Variants in ATP10A observed in about 807,000 individuals in gnomAD.
ATP10A encodes the protein ATPase phospholipid transporting 10A (putative).
A neutral mutation model predicts 147.8 loss-of-function variants in ATP10A; 111 were observed. That is an observed-to-expected ratio of 0.75 (90% confidence interval 0.64 to 0.88). The LOEUF (loss-of-function observed/expected upper bound fraction) is 0.88, where lower values mean the gene tolerates loss of function less well. Among genes scored for constraint, ATP10A ranks in the 40% least tolerant of loss-of-function variants. ATP10A has a pLI of 0.00. For synonymous variants in ATP10A, 875 were observed against 841.6 expected (o/e 1.04, Z -0.69); for missense variants, 1,927 against 1,959.0 (o/e 0.98, Z 0.31).
chr15:25,705,270 CA>C (rs1261235190), intron 12 of ATP10A, among the ~76,000 whole-genome samples: 1 of 150,532 alleles, frequency 6.6e-6, no homozygotes, highest in East Asian at 1.9e-4. Context: ...CTGTCTCTAC[CA>C]AAAAAAAGTA....
chr15:25,735,707 C>G (rs1222430233), intron 3 of ATP10A, among the ~76,000 whole-genome samples: 1 of 152,176 alleles, frequency 6.6e-6, no homozygotes, highest in African/African-American at 2.4e-5. Context: ...TGAAACTCCA[C>G]CCGGCCTACT....
At chr15:25,736,178 G>T in intron 2 of ATP10A, 37 bp from the exon 3 acceptor site, 1 of 1,574,096 alleles carries the variant, frequency 6.4e-7, no homozygotes, top group Non-Finnish European at 8.7e-7. Context: ...AGAAATCCGG[G>T]CTCAGGCTGC....
chr15:25,681,284 A>G (rs1223653047), intron 17 of ATP10A, among the ~76,000 whole-genome samples: 2 of 152,182 alleles, frequency 1.3e-5, no homozygotes, highest in African/African-American at 4.8e-5. Flanking sequence ...ACAGAAAAAT[A>G]TATCTATAAG....
chr15:25,674,063 C>T (rs183752215), downstream of ATP10A, among the ~76,000 whole-genome samples: 6 of 152,330 alleles, frequency 3.9e-5, no homozygotes, highest in East Asian at 7.7e-4. Flanking sequence ...ATGAAAAGAA[C>T]GTGATGGCAA....
intron 2 of ATP10A, among the ~76,000 whole-genome samples, chr15:25,756,460 G>T (rs952832988): frequency 1.3e-5 from 2 of 152,130 alleles, no homozygotes; most frequent in South Asian, 4.1e-4. Context: ...CGGCTAACAC[G>T]GTGAAACCCC....
chr15:25,749,325 G>A (rs1294322434), intron 2 of ATP10A, among the ~76,000 whole-genome samples: 1 of 152,146 alleles, frequency 6.6e-6, no homozygotes, highest in Non-Finnish European at 1.5e-5. Context: ...AGAGATTAAA[G>A]ATGGTGCAAA....
rs573781005 is a variant in ATP10A at position 25,767,042 on chromosome 15, G to A, written c.654+13977C>T. On this transcript the variant is annotated intron_variant, in intron 2 of 20. Transcript: ENST00000555815. The stretch of plus-strand genomic sequence containing the variant: ...CAATTTCTTTGAAGAGGGCTGCTCC[G>A]CTACGTAGCACATTACAGTCAGATG... Among the ~76,000 whole-genome samples the A allele has an allele frequency of 7.2e-5, 11 of 152,190 alleles. No homozygotes were observed. The East Asian group carries it at 1.4e-3, about 19-fold the overall frequency.
intron 3 of ATP10A, among the ~76,000 whole-genome samples, chr15:25,734,401 T>C (rs72703790): frequency 0.046 from 6,973 of 152,324 alleles, 202 homozygotes; most frequent in Non-Finnish European, 0.062. Context: ...GGGATACCAC[T>C]GAACATTCTC....
chr15:25,781,330 G>A, intron 1 of ATP10A, 107 bp from the exon 2 acceptor site: 1 of 971,178 alleles, frequency 1.0e-6, no homozygotes. Flanking sequence ...CATTTGCATA[G>A]GCTGAAAATT....
chr15:25,846,950 T>G (rs1241197289), intron 1 of ATP10A, among the ~76,000 whole-genome samples: 1 of 152,234 alleles, frequency 6.6e-6, no homozygotes, highest in East Asian at 1.9e-4. Context: ...ATGCCCACTT[T>G]TTACTGATAG....
At chr15:25,739,704 C>G (rs541736110) in intron 2 of ATP10A, among the ~76,000 whole-genome samples, 1 of 152,206 alleles carries the variant, frequency 6.6e-6, no homozygotes, top group Non-Finnish European at 1.5e-5. Flanking sequence ...AAGCAGACAC[C>G]GTGAAGGGTT....
chr15:25,698,716 A>G (rs908876754), intron 13 of ATP10A, among the ~76,000 whole-genome samples: 2 of 152,230 alleles, frequency 1.3e-5, no homozygotes, highest in African/African-American at 4.8e-5. Flanking sequence ...AATGTTGTAC[A>G]GATGGTCCCT....
At chr15:25,737,923 T>TG (rs1053721892) in intron 2 of ATP10A, among the ~76,000 whole-genome samples, 38 of 152,174 alleles carry the variant, frequency 2.5e-4, no homozygotes, top group African/African-American at 7.2e-4. Flanking sequence ...ACCATCCTGC[T>TG]GACCCCTTAC....
At chr15:25,782,721 T>C (rs1300107666) in intron 1 of ATP10A, among the ~76,000 whole-genome samples, 1 of 152,196 alleles carries the variant, frequency 6.6e-6, no homozygotes, top group East Asian at 1.9e-4. Flanking sequence ...TTCTTTTTCC[T>C]GGAATAACAG....
chr15:25,754,861 AG>A lies in ATP10A; in HGVS notation c.655-18721del, dbSNP rs539614292. On this transcript the variant is annotated intron_variant, in intron 2 of 20. Transcript: ENST00000555815. ...ACTGTTTATTGAAGAAGTGCACTTG[AG>A]TCCTGGGCTCCACAAATTAGGCAGA... is the stretch of plus-strand genomic sequence containing the variant. Among the ~76,000 whole-genome samples, 449 of 152,308 alleles carry A rather than the reference AG, an allele frequency of 2.9e-3. 4 individuals carry two copies. Among genetic ancestry groups the A allele is most frequent in the African/African-American group, 8.2e-3 (339 of 41,576 alleles).
intron 14 of ATP10A, among the ~76,000 whole-genome samples, chr15:25,692,261 C>T (rs907732931): frequency 1.3e-5 from 2 of 152,138 alleles, no homozygotes; most frequent in African/African-American, 4.8e-5. Context: ...TGGATTGCCA[C>T]AGTATTAGCC....
At chr15:25,764,355 G>C (rs1333816016) in intron 2 of ATP10A, among the ~76,000 whole-genome samples, 2 of 152,168 alleles carry the variant, frequency 1.3e-5, no homozygotes, top group African/African-American at 4.8e-5. Flanking sequence ...TTAGCCCTTA[G>C]AATGTATGTG....
At chr15:25,685,824 T>TAA (rs34929669) in intron 16 of ATP10A, among the ~76,000 whole-genome samples, 2 of 139,330 alleles carry the variant, frequency 1.4e-5, no homozygotes, top group South Asian at 2.3e-4. Context: ...ACCCTGTCTT[T>TAA]AAAAAAAAAA....
chr15:25,681,904 A>G (rs1899430916), intron 17 of ATP10A, among the ~76,000 whole-genome samples: 1 of 152,068 alleles, frequency 6.6e-6, no homozygotes, highest in African/African-American at 2.4e-5. Context: ...ATATAGAAAA[A>G]TTAGCCAGGC....
Sources: allele counts gnomAD v4.1 joint callset (sites outside exome capture counted in the v4.1 genomes callset), GRCh38; gene constraint gnomAD v4.1.1; transcripts MANE v1.5; gene names NCBI Gene and HGNC (gene_info 2026-07-23, HGNC 2026-07-21).